Variants in EPHB2 observed in about 807,000 individuals in gnomAD.
The protein encoded by EPHB2 is EPH receptor B2.
EPHB2 carries 18 observed loss-of-function variants against 96.4 expected under a neutral mutation model. The ratio of observed to expected loss-of-function variants is 0.19; its 90% CI spans 0.13 to 0.28. The LOEUF (loss-of-function observed/expected upper bound fraction) is 0.28, where lower values mean the gene tolerates loss of function less well. Ranked by LOEUF, EPHB2 falls within the 10% of genes least tolerant of loss-of-function variation. The pLI, the probability that EPHB2 is intolerant of heterozygous loss-of-function variation, is 1.00. For missense variants in EPHB2, 989 were observed against 1,355.4 expected, an observed-to-expected ratio of 0.73 and a Z score of 4.25; for synonymous variants, 506 against 534.1, an observed-to-expected ratio of 0.95 and a Z score of 0.72.
chr1:22,769,397 A>G (rs964824447), intron 1 of EPHB2, among the ~76,000 whole-genome samples: 14 of 151,530 alleles, frequency 9.2e-5, no homozygotes, highest in African/African-American at 3.2e-4. Context: ...TTGATTCTCC[A>G]ATACTTTTTT....
rs147455300 is a variant in EPHB2 at position 22,912,387 on chromosome 1, G to A, written c.2697-57G>A. 1,610 of 1,610,520 alleles carry A rather than the reference G, an allele frequency of 1.0e-3. 20 individuals carry two copies. The African/African-American group carries it at 0.019, about 19-fold the overall frequency. On this transcript the variant is annotated intron_variant, in intron 14 of 15. Coordinates refer to ENST00000374630, the MANE Select transcript of EPHB2 (RefSeq NM_017449.5). ...ATACGCAGCCTACAGGCATGTCCCT[G>A]CACGCTCCCTGCAAACAGGTGCCCT...
chr1:22,834,051 T>A (rs199510501), intron 3 of EPHB2, among the ~76,000 whole-genome samples: 7 of 150,708 alleles, frequency 4.6e-5, no homozygotes, highest in Middle Eastern at 3.4e-3. Flanking sequence ...CAAAACACTT[T>A]AAAAAAAAAA....
intron 3 of EPHB2, among the ~76,000 whole-genome samples, chr1:22,843,393 T>C (rs1006632028): frequency 6.6e-6 from 1 of 152,220 alleles, no homozygotes; most frequent in East Asian, 1.9e-4. Flanking sequence ...ATTTGTCATA[T>C]AGATAAATTG....
At position 22,772,836 on chromosome 1, in the gene EPHB2, G is replaced by A. The variant is rs144118628; in HGVS notation, c.62-8585G>A. On this transcript the variant is annotated intron_variant, in intron 1 of 15. Coordinates refer to ENST00000374630, the MANE Select transcript of EPHB2 (RefSeq NM_017449.5). The stretch of plus-strand genomic sequence containing the variant: ...AGGGTTTAGCTCAGAGCCTGGCAAC[G>A]ATAGCACTGGTAGATGAAAGCAGTG... Among the ~76,000 whole-genome samples the A allele has an allele frequency of 2.6e-3, 401 of 152,330 alleles. 2 individuals are homozygous for A. The highest frequency in any genetic ancestry group is 8.7e-3 in the South Asian group (42 of 4,826).
At chr1:22,912,777 C>A in intron 15 of EPHB2, 178 bp downstream of exon 15, 1 of 832,904 alleles carries the variant, frequency 1.2e-6, no homozygotes, top group Non-Finnish European at 1.9e-6. Context: ...GGTCTGCCTG[C>A]CACCTACAAG....
In EPHB2 at chr1:22,913,322, G is replaced by C. The variant is rs1640170041; in HGVS notation, c.2853-140G>C. The C allele has an allele frequency of 1.8e-6, 2 of 1,097,844 alleles. No individual in the cohort carries two copies. The highest frequency in any genetic ancestry group is 2.0e-5 in the Admixed American group (1 of 49,824). The allele number at this position is 1,097,844 out of a possible 1,614,324, so 68.0% of individuals were successfully genotyped here. A position where few individuals can be genotyped will look rare whatever the true frequency, so the allele number is the denominator to read the frequency against. ...ATAGTCGCTCCCTCCAGCTGTGGCT[G>C]CCTGCCCACTCCCCACTCCCCACTC... On this transcript the variant is annotated intron_variant, in intron 15 of 15. Transcript: ENST00000374630. This position sits in a 1 kb window ranked among gnomAD's most constrained non-coding sequence, Gnocchi z 4.1.
intron 1 of EPHB2, among the ~76,000 whole-genome samples, chr1:22,772,267 G>A (rs1025538265): frequency 3.3e-5 from 5 of 152,268 alleles, no homozygotes; most frequent in South Asian, 4.1e-4. Context: ...CCAGGCCAGC[G>A]GCAGGCAGGC....
At chr1:22,796,220 G>A (rs965442941) in intron 3 of EPHB2, among the ~76,000 whole-genome samples, 3 of 152,292 alleles carry the variant, frequency 2.0e-5, no homozygotes, top group East Asian at 1.9e-4. Flanking sequence ...TATGTCAGGC[G>A]GTGATTAGGA....
At chr1:22,845,215 G>T (rs1234463085) in intron 3 of EPHB2, among the ~76,000 whole-genome samples, 2 of 152,184 alleles carry the variant, frequency 1.3e-5, no homozygotes, top group Non-Finnish European at 2.9e-5. Context: ...ACCTCTCTGT[G>T]CCTGTATCCC....
rs191991506 is a variant in EPHB2 at position 22,843,492 on chromosome 1, C to T, written c.812-19545C>T. Among the ~76,000 whole-genome samples, 26 of 152,238 alleles carry T rather than the reference C, an allele frequency of 1.7e-4. 1 individual carries two copies. The highest frequency in any genetic ancestry group is 6.3e-4 in the African/African-American group (26 of 41,542). On this transcript the variant is annotated intron_variant, in intron 3 of 15. Coordinates refer to ENST00000374630, the MANE Select transcript of EPHB2 (RefSeq NM_017449.5). ...AGGTAGTTTTTCGATCCTCTCTCTC[C>T]TCCCACCCTCCACCCTCAAGTAGGC...
At chr1:22,908,880 T>C in intron 12 of EPHB2, 142 bp from the exon 13 acceptor site, 1 of 1,329,452 alleles carries the variant, frequency 7.5e-7, no homozygotes, top group Non-Finnish European at 1.0e-6. Flanking sequence ...TGCCCAGTGG[T>C]CTGAAGCTGC....
At chr1:22,717,927 G>A (rs1181870901) in intron 1 of EPHB2, among the ~76,000 whole-genome samples, 1 of 152,150 alleles carries the variant, frequency 6.6e-6, no homozygotes, top group East Asian at 1.9e-4. Context: ...TTTCAAATGG[G>A]GGTAATCATT....
intron 6 of EPHB2, among the ~76,000 whole-genome samples, chr1:22,887,073 G>A (rs1459046179): frequency 6.6e-6 from 1 of 152,134 alleles, no homozygotes; most frequent in African/African-American, 2.4e-5. Flanking sequence ...GGTTCAGGGA[G>A]GATAGAGAAC....
At chr1:22,844,736 C>T (rs1386394449) in intron 3 of EPHB2, among the ~76,000 whole-genome samples, 1 of 152,210 alleles carries the variant, frequency 6.6e-6, no homozygotes, top group African/African-American at 2.4e-5. Flanking sequence ...GGGCCAGGCA[C>T]CGGATCCCCC....
intron 3 of EPHB2, among the ~76,000 whole-genome samples, chr1:22,807,667 G>T (rs946380661): frequency 6.6e-6 from 1 of 150,960 alleles, no homozygotes; most frequent in African/African-American, 2.5e-5. Flanking sequence ...CCCTTACACA[G>T]TGGCAGTGCC....
chr1:22,808,002 C>T (rs536510397), intron 3 of EPHB2, among the ~76,000 whole-genome samples: 17 of 152,110 alleles, frequency 1.1e-4, no homozygotes, highest in Non-Finnish European at 2.2e-4. Context: ...GGCATGGTGG[C>T]GTATGCCTGT....
At chr1:22,837,447 A>G (rs1056901855) in intron 3 of EPHB2, among the ~76,000 whole-genome samples, 11 of 152,104 alleles carry the variant, frequency 7.2e-5, no homozygotes, top group African/African-American at 2.4e-4. Flanking sequence ...CTCTAACATG[A>G]GTGTAGGTGG....
At position 22,913,594 on chromosome 1, in the gene EPHB2, C is replaced by T. The variant is rs1476640160; in HGVS notation, c.*24C>T. On this transcript the variant is annotated 3_prime_UTR_variant, in exon 16 of 16. Transcript: ENST00000374630. The surrounding 1 kb of genome is among the most constrained non-coding windows in gnomAD (Gnocchi z 4.1). ...GACATTCACCTGCCTCGGCTCACCT[C>T]TTCCTCCAAGCCCCGCCCCCTCTGC... 22 of 1,613,670 alleles carry T rather than the reference C, an allele frequency of 1.4e-5. No individual in the cohort carries two copies. The highest frequency in any genetic ancestry group is 1.9e-5 in the Non-Finnish European group (22 of 1,179,902).
chr1:22,896,728 A>C, intron 9 of EPHB2, among the ~76,000 whole-genome samples: 1 of 149,774 alleles, frequency 6.7e-6, no homozygotes, highest in East Asian at 2.0e-4. Context: ...CCATACACAC[A>C]CTCCTCCAAG....
Sources: gnomAD v4.1 joint callset for allele counts (sites outside exome capture counted in the v4.1 genomes callset) on GRCh38, gnomAD v4.1.1 for gene constraint, Gnocchi (gnomAD v3.1) non-coding constraint, MANE v1.5 for transcripts, NCBI Gene and HGNC (gene_info 2026-07-23, HGNC 2026-07-21) for gene names.